The following TRERF1 variants were observed in gnomAD, a reference collection of about 807,000 sequenced individuals.
TRERF1 encodes the protein transcriptional-regulating factor 1.
A neutral mutation model predicts 122.9 loss-of-function variants in TRERF1; 27 were observed. That is an observed-to-expected ratio of 0.22 (90% confidence interval 0.16 to 0.30). TRERF1 has a LOEUF of 0.30. Ranked by LOEUF, TRERF1 falls within the 10% of genes least tolerant of loss-of-function variation. TRERF1 has a pLI of 1.00. For synonymous variants in TRERF1, 636 were observed against 641.7 expected (o/e 0.99, Z 0.13); for missense variants, 1,248 against 1,560.3 (o/e 0.80, Z 3.37).
At chr6:42,402,078 T>A (rs1473363873) in intron 2 of TRERF1, among the ~76,000 whole-genome samples, 1 of 152,174 alleles carries the variant, frequency 6.6e-6, no homozygotes, top group Non-Finnish European at 1.5e-5. Flanking sequence ...TTGCACAGAC[T>A]TGTTTAGTTG....
chr6:42,343,878 G>A (rs1243321796), intron 3 of TRERF1, among the ~76,000 whole-genome samples: 2 of 152,208 alleles, frequency 1.3e-5, no homozygotes, highest in African/African-American at 4.8e-5. Flanking sequence ...GTGCTAAGAG[G>A]GTAGGGGGAG....
intron 15 of TRERF1, among the ~76,000 whole-genome samples, chr6:42,241,547 T>C (rs1278154858): frequency 6.6e-6 from 1 of 152,008 alleles, no homozygotes; most frequent in Non-Finnish European, 1.5e-5. Context: ...CCGCAACTTC[T>C]GCCTCCTGGG....
intron 2 of TRERF1, among the ~76,000 whole-genome samples, chr6:42,418,537 C>G (rs1007578101): frequency 6.6e-6 from 1 of 152,072 alleles, no homozygotes; most frequent in African/African-American, 2.4e-5. Flanking sequence ...TCCCAAAGTG[C>G]TGGGGTTACA....
chr6:42,436,240 G>T (rs965931360), intron 2 of TRERF1, among the ~76,000 whole-genome samples: 5 of 151,438 alleles, frequency 3.3e-5, no homozygotes, highest in African/African-American at 1.2e-4. Flanking sequence ...GTGGTGGCAG[G>T]TGCCTGTAAT....
chr6:42,414,754 A>C (rs145450473), intron 2 of TRERF1, among the ~76,000 whole-genome samples: 1 of 152,206 alleles, frequency 6.6e-6, no homozygotes, highest in South Asian at 2.1e-4. Flanking sequence ...CGGTGTCAAA[A>C]CCCACTAAGG....
exon 12 of TRERF1, chr6:42,256,801 C>G: frequency 6.2e-7 from 1 of 1,614,242 alleles, no homozygotes; most frequent in Non-Finnish European, 8.5e-7. Context: ...TGGCAATGCA[C>G]TGGAACAGCA....
chr6:42,404,958 C>T (rs1311537032), intron 2 of TRERF1, among the ~76,000 whole-genome samples: 1 of 152,254 alleles, frequency 6.6e-6, no homozygotes, highest in East Asian at 1.9e-4. Flanking sequence ...ATATACCCAC[C>T]CCCAGGCTAC....
At chr6:42,305,712 T>C (rs1161736709) in intron 3 of TRERF1, among the ~76,000 whole-genome samples, 2 of 151,620 alleles carry the variant, frequency 1.3e-5, no homozygotes, top group African/African-American at 2.4e-5. Flanking sequence ...TCATTAGAAA[T>C]TGGCACAGAT....
rs763735756 is a variant in TRERF1 at position 42,228,813 on chromosome 6, T to C, written c.3279-144A>G. On this transcript the variant is annotated intron_variant, in intron 17 of 17. Coordinates refer to ENST00000372922, the Ensembl canonical transcript of TRERF1. The surrounding 1 kb of genome is among the most constrained non-coding windows in gnomAD (Gnocchi z 4.2). ...TCTAGGACCTCCTTCCCCTGTGACC[T>C]GTCACCTCTCTTCCTTCCTCTCCAA... The C allele has an allele frequency of 9.6e-5, 72 of 752,944 alleles. No homozygotes were observed. The highest frequency in any genetic ancestry group is 1.4e-4 in the Non-Finnish European group (65 of 457,080). The allele number at this position is 752,944 out of a possible 1,614,324, so 46.6% of individuals were successfully genotyped here.
chr6:42,292,530 A>G (rs1381213777), intron 4 of TRERF1, among the ~76,000 whole-genome samples: 3 of 152,230 alleles, frequency 2.0e-5, no homozygotes, highest in Non-Finnish European at 4.4e-5. Context: ...GCAAACATGC[A>G]CATGACTGGC....
intron 8 of TRERF1, among the ~76,000 whole-genome samples, chr6:42,262,447 AGAGAGAGAGAGAGAGAGAGG>A: frequency 2.9e-5 from 1 of 33,960 alleles, no homozygotes; most frequent in African/African-American, 1.5e-4. Context: ...AGAGAGAGAG[AGAGAGAGAGAGAGAGAGAGG>A]AGAGAGAGAG....
rs181790446 is a variant in TRERF1 at position 42,325,475 on chromosome 6, C to T, written c.-370-24726G>A. On this transcript the variant is annotated intron_variant, in intron 3 of 17. Transcript: ENST00000372922. ...CAACTCATATGTTCACTGCAGCATT[C>T]TTCATAATAGCAAAGACATGGAATC... is the stretch of plus-strand genomic sequence containing the variant. 8.7e-4 allele frequency among the ~76,000 whole-genome samples: 133 copies of T among 152,270 alleles called. 1 individual carries two copies. The highest frequency in any genetic ancestry group is 3.4e-3 in the Middle Eastern group (1 of 294).
intron 4 of TRERF1, among the ~76,000 whole-genome samples, chr6:42,278,575 A>T (rs1781714176): frequency 1.3e-5 from 2 of 152,164 alleles, no homozygotes; most frequent in Admixed American, 1.3e-4. Flanking sequence ...CATGCCAGGG[A>T]TGAGGACCAC....
At chr6:42,274,748 C>T (rs1296245872) in intron 4 of TRERF1, among the ~76,000 whole-genome samples, 1 of 151,858 alleles carries the variant, frequency 6.6e-6, no homozygotes, top group African/African-American at 2.4e-5. Context: ...TCCTAAAACA[C>T]CATAGGGAGA....
chr6:42,371,173 G>T (rs751633211), intron 2 of TRERF1, among the ~76,000 whole-genome samples: 1 of 152,186 alleles, frequency 6.6e-6, no homozygotes, highest in Non-Finnish European at 1.5e-5. Flanking sequence ...AGGCCTGGAG[G>T]TCAGAGGGTA....
chr6:42,351,432 TAA>T (rs1009899756), intron 3 of TRERF1, among the ~76,000 whole-genome samples: 7 of 152,252 alleles, frequency 4.6e-5, no homozygotes, highest in Non-Finnish European at 8.8e-5. Flanking sequence ...ATGTCGGCTT[TAA>T]AACTCATGTT....
rs564928920 is a variant in TRERF1 at position 42,261,248 on chromosome 6, A to G, written c.1885-1525T>C. Among the ~76,000 whole-genome samples the G allele has an allele frequency of 5.9e-5, 9 of 152,298 alleles. No individual in the cohort carries two copies. The South Asian group carries it at 1.9e-3, about 32-fold the overall frequency. ...CAGATAAGATCATCCAAGAACATGC[A>G]GACCTTATATGATCTCAACGCAGCA... On this transcript the variant is annotated intron_variant, in intron 8 of 17. Transcript: ENST00000372922.
chr6:42,232,064 T>G lies in TRERF1; in HGVS notation c.3278+617A>C, dbSNP rs968729415. Among the ~76,000 whole-genome samples, 3 of 152,240 alleles carry G rather than the reference T, an allele frequency of 2.0e-5. No individual in the cohort carries two copies. The highest frequency in any genetic ancestry group is 7.2e-5 in the African/African-American group (3 of 41,462). On this transcript the variant is annotated intron_variant, in intron 17 of 17. Transcript: ENST00000372922. This position sits in a 1 kb window ranked among gnomAD's most constrained non-coding sequence, Gnocchi z 4.5. The stretch of plus-strand genomic sequence containing the variant: ...TATCTCGTTACTTTTTTTCTTTAGC[T>G]GTTGTTGTTTTTTAAATTATACCTA...
At chr6:42,442,503 C>G (rs1425527709) in intron 2 of TRERF1, among the ~76,000 whole-genome samples, 1 of 152,152 alleles carries the variant, frequency 6.6e-6, no homozygotes, top group East Asian at 1.9e-4. Context: ...GCTGAGGGGC[C>G]CCACAGAAGG....
Sources: allele counts gnomAD v4.1 joint callset (sites outside exome capture counted in the v4.1 genomes callset), GRCh38; gene constraint gnomAD v4.1.1; non-coding constraint Gnocchi (gnomAD v3.1); transcripts MANE v1.5; gene names NCBI Gene and HGNC (gene_info 2026-07-23, HGNC 2026-07-21).